The following EYA1 variants were observed in gnomAD, a reference collection of about 807,000 sequenced individuals.
The protein encoded by EYA1 is protein phosphatase EYA1.
EYA1 carries 16 observed loss-of-function variants against 82.0 expected under a neutral mutation model. The observed-to-expected ratio is 0.20, with a 90% CI of 0.13 to 0.30. The LOEUF is 0.30. Ranked by LOEUF, EYA1 falls within the 10% of genes least tolerant of loss-of-function variation. The pLI, the probability that EYA1 is intolerant of heterozygous loss-of-function variation, is 1.00. For missense variants in EYA1, 633 were observed against 730.7 expected, an observed-to-expected ratio of 0.87 and a Z score of 1.54; for synonymous variants, 261 against 264.4, an observed-to-expected ratio of 0.99 and a Z score of 0.12.
At chr8:71,507,117 G>A (rs933435683) in intron 2 of EYA1, among the ~76,000 whole-genome samples, 1 of 152,140 alleles carries the variant, frequency 6.6e-6, no homozygotes, top group Non-Finnish European at 1.5e-5. Flanking sequence ...CCAGGCACTA[G>A]TCTAGCTCTT....
chr8:71,277,825 A>G lies in EYA1; in HGVS notation c.827-5928T>C, dbSNP rs573701831. Among the ~76,000 whole-genome samples the G allele has an allele frequency of 3.9e-5, 6 of 152,338 alleles. No homozygotes were observed. In the East Asian group the frequency reaches 1.2e-3, roughly 29 times the overall value. ...GTATTTATTAAAGCTATAAAGGTTA[A>G]TTATTTCTACAAGACAGCAAAAATA... On this transcript the variant is annotated intron_variant, in intron 9 of 17. Coordinates refer to ENST00000340726, the MANE Select transcript of EYA1 (RefSeq NM_000503.6).
chr8:71,335,863 C>T (rs1233963628), intron 3 of EYA1, among the ~76,000 whole-genome samples: 4 of 152,222 alleles, frequency 2.6e-5, no homozygotes, highest in African/African-American at 9.6e-5. Context: ...CGTTCTATTT[C>T]ACTCTCTGCC....
rs754329664 is a variant in EYA1, at chr8:71,244,744, AAG to A, written c.1051-54_1051-53del. ...AACATGTATACTTCAGGTTACATGA[AAG>A]AGAGTGTCTCATTAAGAGGAAGCAG... On this transcript the variant is annotated intron_variant, in intron 11 of 17. Coordinates refer to ENST00000340726, the MANE Select transcript of EYA1 (RefSeq NM_000503.6). 1.5e-5 allele frequency: 16 copies of A among 1,073,230 alleles called. No individual in the cohort carries two copies. The African/African-American group carries it at 1.7e-4, about 11-fold the overall frequency. The allele number at this position is 1,073,230 out of a possible 1,614,324, so 66.5% of individuals were successfully genotyped here. A position where few individuals can be genotyped will look rare whatever the true frequency, so the allele number is the denominator to read the frequency against.
At chr8:71,296,474 A>G (rs962515635) in intron 9 of EYA1, among the ~76,000 whole-genome samples, 2 of 151,220 alleles carry the variant, frequency 1.3e-5, no homozygotes. Flanking sequence ...ATGAAGCATG[A>G]GATAAATATC....
chr8:71,317,425 T>C, intron 7 of EYA1, 127 bp downstream of exon 7: 1 of 919,086 alleles, frequency 1.1e-6, no homozygotes, highest in Non-Finnish European at 1.8e-6. Flanking sequence ...TAGAAGCAGG[T>C]GTCCTGCCTC....
intron 17 of EYA1, among the ~76,000 whole-genome samples, chr8:71,203,106 A>G (rs1730238905): frequency 6.6e-6 from 1 of 152,194 alleles, no homozygotes; most frequent in Non-Finnish European, 1.5e-5. Flanking sequence ...CACATGCTAG[A>G]ATGAGGAGAC....
intron 3 of EYA1, among the ~76,000 whole-genome samples, chr8:71,345,902 C>A (rs1026263442): frequency 3.9e-5 from 6 of 152,130 alleles, no homozygotes; most frequent in Non-Finnish European, 8.8e-5. Flanking sequence ...AATCTAAATT[C>A]TTGAACTTCA....
At chr8:71,408,087 A>G (rs1830370206) in intron 2 of EYA1, among the ~76,000 whole-genome samples, 1 of 152,134 alleles carries the variant, frequency 6.6e-6, no homozygotes, top group Admixed American at 6.5e-5. Context: ...TAAAGAAAAG[A>G]ATTTTCAACA....
chr8:71,271,671 C>T, intron 10 of EYA1, 87 bp downstream of exon 10: 1 of 1,432,060 alleles, frequency 7.0e-7, no homozygotes, highest in Non-Finnish European at 9.9e-7. Flanking sequence ...ATACCTTAAC[C>T]ACTGCTGTTT....
At chr8:71,315,238 T>A (rs376874790) in intron 7 of EYA1, among the ~76,000 whole-genome samples, 2 of 152,252 alleles carry the variant, frequency 1.3e-5, no homozygotes, top group African/African-American at 4.8e-5. Flanking sequence ...AGTCTCATTT[T>A]AAAAAATTAT....
chr8:71,470,748 T>A (rs1043984722), intron 2 of EYA1: 8 of 353,208 alleles, frequency 2.3e-5, no homozygotes, highest in Non-Finnish European at 4.4e-5. Context: ...GGGGAAAACA[T>A]CACCGTAATG....
intron 4 of EYA1, among the ~76,000 whole-genome samples, chr8:71,323,708 C>G (rs1822840723): frequency 6.6e-6 from 1 of 152,198 alleles, no homozygotes; most frequent in African/African-American, 2.4e-5. Context: ...AGCCACTACT[C>G]TGTTCCAGGT....
chr8:71,312,527 C>A (rs1161057543), intron 7 of EYA1, among the ~76,000 whole-genome samples: 2 of 152,276 alleles, frequency 1.3e-5, no homozygotes, highest in Non-Finnish European at 2.9e-5. Context: ...TCTCACTGAA[C>A]CTCACGGTCC....
At chr8:71,319,153 C>T (rs1229288105) in intron 6 of EYA1, among the ~76,000 whole-genome samples, 11 of 149,146 alleles carry the variant, frequency 7.4e-5, no homozygotes, top group African/African-American at 1.5e-4. Context: ...TTTTTTGAGA[C>T]GGAGTCTCGC....
chr8:71,475,613 G>C (rs1046762838), intron 2 of EYA1, among the ~76,000 whole-genome samples: 20 of 152,174 alleles, frequency 1.3e-4, no homozygotes, highest in South Asian at 4.2e-4. Context: ...CTCAAAATAG[G>C]CAAAACAGAA....
intron 2 of EYA1, among the ~76,000 whole-genome samples, chr8:71,388,967 A>G (rs887503090): frequency 1.3e-5 from 2 of 152,022 alleles, no homozygotes; most frequent in African/African-American, 2.4e-5. Flanking sequence ...ACTAAAAGAC[A>G]TAGAACATTC....
intron 6 of EYA1, 123 bp from the exon 7 acceptor site, chr8:71,317,812 G>C (rs1342172347): frequency 2.2e-6 from 2 of 902,496 alleles, no homozygotes; most frequent in South Asian, 2.7e-5. Flanking sequence ...CAAAAATAAA[G>C]GGTATACATG....
At chr8:71,426,474 T>C (rs1236788978) in intron 2 of EYA1, among the ~76,000 whole-genome samples, 1 of 152,234 alleles carries the variant, frequency 6.6e-6, no homozygotes, top group East Asian at 1.9e-4. Flanking sequence ...GAGAGTGCAG[T>C]ATGCAGGTAA....
At chr8:71,484,964 T>C (rs1245567370) in intron 2 of EYA1, among the ~76,000 whole-genome samples, 3 of 152,252 alleles carry the variant, frequency 2.0e-5, no homozygotes, top group African/African-American at 7.2e-5. Flanking sequence ...AGCAAAGCTC[T>C]GTGCCTCTAG....
Sources: allele counts gnomAD v4.1 joint callset (sites outside exome capture counted in the v4.1 genomes callset), GRCh38; gene constraint gnomAD v4.1.1; transcripts MANE v1.5; gene names NCBI Gene and HGNC (gene_info 2026-07-23, HGNC 2026-07-21).